CKAP5: variants seen among roughly 807,000 people sequenced by gnomAD.
CKAP5 encodes the protein cytoskeleton-associated protein 5.
CKAP5 carries 27 observed loss-of-function variants against 232.8 expected under a neutral mutation model. The ratio of observed to expected loss-of-function variants is 0.12; its 90% CI spans 0.09 to 0.16. The LOEUF is 0.16. Among genes scored for constraint, CKAP5 ranks in the 10% least tolerant of loss-of-function variants. The probability of loss-of-function intolerance (pLI) is 1.00; values close to 1 mark genes in which losing one functional copy is unlikely to be tolerated. For synonymous variants in CKAP5, 785 were observed against 841.1 expected (o/e 0.93, Z 1.16); for missense variants, 1,838 against 2,424.7 (o/e 0.76, Z 5.08).
chr11:46,771,070 A>C, intron 24 of CKAP5, 88 bp from the exon 25 acceptor site: 89 of 1,144,802 alleles, frequency 7.8e-5, no homozygotes, highest in Non-Finnish European at 1.0e-4. Flanking sequence ...CATTAGTCTC[A>C]AGCACTGAAT....
chr11:46,775,038 G>C (rs2065279534), intron 24 of CKAP5, among the ~76,000 whole-genome samples: 1 of 152,160 alleles, frequency 6.6e-6, no homozygotes, highest in Non-Finnish European at 1.5e-5. Flanking sequence ...ACTATCATCA[G>C]AGTGAACAGG....
intron 35 of CKAP5, among the ~76,000 whole-genome samples, chr11:46,756,102 C>A (rs2065109132): frequency 6.6e-6 from 1 of 152,142 alleles, no homozygotes; most frequent in Admixed American, 6.5e-5. Context: ...ACATACTGGT[C>A]CAGTGTTCTG....
chr11:46,789,406 A>G (rs895607458), intron 15 of CKAP5, among the ~76,000 whole-genome samples: 1 of 152,116 alleles, frequency 6.6e-6, no homozygotes, highest in African/African-American at 2.4e-5. Context: ...TCATGATGAT[A>G]AAGGGGAGAA....
intron 8 of CKAP5, among the ~76,000 whole-genome samples, chr11:46,806,567 ATTTAT>A (rs1486897896): frequency 6.6e-5 from 10 of 152,204 alleles, no homozygotes; most frequent in African/African-American, 2.4e-4. Context: ...CTCTCTTTTA[ATTTAT>A]TTTACACGAG....
intron 32 of CKAP5, among the ~76,000 whole-genome samples, chr11:46,761,401 T>C (rs2065154167): frequency 6.6e-6 from 1 of 152,230 alleles, no homozygotes; most frequent in Non-Finnish European, 1.5e-5. Flanking sequence ...TTTTTGGTCA[T>C]CTGTAAAATT....
At chr11:46,770,189 A>AT in intron 25 of CKAP5, 91 bp from the exon 26 acceptor site, 1 of 1,348,444 alleles carries the variant, frequency 7.4e-7, no homozygotes, top group Non-Finnish European at 1.1e-6. Context: ...CAAACAAATG[A>AT]TTGAGCTCCT....
chr11:46,795,754 A>G lies in CKAP5; in HGVS notation c.1490T>C (p.Val497Ala), dbSNP rs1938857643. 1.9e-6 allele frequency: 3 copies of G among 1,613,550 alleles called. No individual in the cohort carries two copies. Among genetic ancestry groups the G allele is most frequent in the East Asian group, 4.5e-5 (2 of 44,882 alleles). ...LDKIKECSEK[V>A]ELIHGKKAGL... ...AGCTTTCTTACCATGTATCAGTTCT[A>G]CCTTTTCTGAACATTCTTTGATCTG... The change falls in exon 13 of 44, where the codon GTA becomes GCA. Residue 497 changes from valine to alanine, a missense_variant. Around this residue, in one of 6 missense-constraint regions of CKAP5, gnomAD observed 767 missense variants for 954.6 expected, o/e 0.80. Coordinates refer to ENST00000529230, the MANE Select transcript of CKAP5 (RefSeq NM_001008938.4).
intron 42 of CKAP5, among the ~76,000 whole-genome samples, chr11:46,747,952 C>T (rs923094017): frequency 2.0e-5 from 3 of 151,858 alleles, no homozygotes; most frequent in Non-Finnish European, 4.4e-5. Context: ...CCCAGCTACT[C>T]GGGAGGCTGA....
intron 1 of CKAP5, among the ~76,000 whole-genome samples, chr11:46,833,737 A>AT (rs1939850201): frequency 6.6e-6 from 1 of 151,432 alleles, no homozygotes; most frequent in African/African-American, 2.4e-5. Context: ...TCGTCCTCCC[A>AT]AACTGCTGGG....
intron 16 of CKAP5, among the ~76,000 whole-genome samples, chr11:46,787,851 A>G (rs952305216): frequency 6.6e-6 from 1 of 152,166 alleles, no homozygotes; most frequent in Admixed American, 6.6e-5. Flanking sequence ...CTTATGCATG[A>G]ATTTTCTTCT....
At chr11:46,766,792 T>C (rs1266214110) in intron 27 of CKAP5, among the ~76,000 whole-genome samples, 1 of 152,210 alleles carries the variant, frequency 6.6e-6, no homozygotes, top group Non-Finnish European at 1.5e-5. Flanking sequence ...GAGGATAAAG[T>C]TGAACATTTG....
chr11:46,752,276 A>AATACATAT lies in CKAP5; in HGVS notation c.5133+351_5133+358dup, dbSNP rs542500389. Among the ~76,000 whole-genome samples, 30 of 146,862 alleles carry AATACATAT rather than the reference A, an allele frequency of 2.0e-4. No individual in the cohort carries two copies. The East Asian group carries it at 2.6e-3, about 13-fold the overall frequency. The stretch of plus-strand genomic sequence containing the variant: ...ATAACATATTAAGATATACATATAT[A>AATACATAT]ATACATATATACATATATATAATAC... On this transcript the variant is annotated intron_variant, in intron 38 of 43. Transcript: ENST00000529230.
At chr11:46,823,265 C>T (rs1429495975) in intron 1 of CKAP5, among the ~76,000 whole-genome samples, 1 of 152,108 alleles carries the variant, frequency 6.6e-6, no homozygotes, top group South Asian at 2.1e-4. Flanking sequence ...CTAGACAACA[C>T]CTTTTTCTTA....
chr11:46,753,898 T>C (rs1375375818), intron 36 of CKAP5, among the ~76,000 whole-genome samples: 1 of 151,966 alleles, frequency 6.6e-6, no homozygotes, highest in African/African-American at 2.4e-5. Flanking sequence ...GGCTATGTTA[T>C]ATTTGTAAAA....
chr11:46,819,223 T>C (rs1939472411), intron 2 of CKAP5, among the ~76,000 whole-genome samples: 1 of 151,968 alleles, frequency 6.6e-6, no homozygotes, highest in South Asian at 2.1e-4. Flanking sequence ...GAAAGATAAA[T>C]AGGAACTAAT....
chr11:46,757,822 G>A (rs2065122458), intron 35 of CKAP5, among the ~76,000 whole-genome samples: 2 of 150,876 alleles, frequency 1.3e-5, no homozygotes, highest in African/African-American at 2.4e-5. Context: ...TCCTGACCTC[G>A]TGATCCACCC....
chr11:46,763,208 C>A, intron 29 of CKAP5, 29 bp from the exon 30 acceptor site: 1 of 1,483,814 alleles, frequency 6.7e-7, no homozygotes, highest in Non-Finnish European at 9.3e-7. Context: ...AAAACTCCCA[C>A]AAATAAGAAT....
chr11:46,810,623 A>T (rs555066986), intron 5 of CKAP5, among the ~76,000 whole-genome samples: 18 of 152,214 alleles, frequency 1.2e-4, no homozygotes, highest in African/African-American at 4.1e-4. Flanking sequence ...GAAAATATAT[A>T]ATTAAATTTT....
chr11:46,762,437 CTG>C, intron 31 of CKAP5, 188 bp downstream of exon 31: 1 of 874,670 alleles, frequency 1.1e-6, no homozygotes, highest in Non-Finnish European at 1.9e-6. Flanking sequence ...CAGGGTGATA[CTG>C]AGTGGTGCCT....
Sources: allele counts gnomAD v4.1 joint callset (sites outside exome capture counted in the v4.1 genomes callset), GRCh38; gene constraint gnomAD v4.1.1; regional missense constraint gnomAD v4.1.1; transcripts MANE v1.5; gene names NCBI Gene and HGNC (gene_info 2026-07-23, HGNC 2026-07-21).